MINDY4: variants seen among roughly 807,000 people sequenced by gnomAD.
MINDY4 encodes probable ubiquitin carboxyl-terminal hydrolase MINDY-4.
In MINDY4, 68 loss-of-function variants were observed where a neutral mutation model predicts 87.0. That is an observed-to-expected ratio of 0.78 (90% CI 0.64 to 0.96). The LOEUF (loss-of-function observed/expected upper bound fraction) is 0.96, where lower values mean the gene tolerates loss of function less well. MINDY4 is among the 40% of genes least tolerant of loss of function. The pLI is 0.00. For synonymous variants in MINDY4, 379 were observed against 363.2 expected (o/e 1.04, Z -0.50); for missense variants, 919 against 928.2 (o/e 0.99, Z 0.13).
chr7:30,891,734 C>G (rs964208269), intron 17 of MINDY4, among the ~76,000 whole-genome samples: 7 of 152,196 alleles, frequency 4.6e-5, no homozygotes, highest in Non-Finnish European at 8.8e-5. Context: ...CACCTGCCGC[C>G]TGGCCTCTCC....
intron 5 of MINDY4, among the ~76,000 whole-genome samples, chr7:30,811,696 C>G (rs181721269): frequency 6.6e-6 from 1 of 152,224 alleles, no homozygotes; most frequent in Non-Finnish European, 1.5e-5. Context: ...GTATAGATTA[C>G]AGACATTGTA....
chr7:30,877,647 A>G (rs538419427), intron 15 of MINDY4, among the ~76,000 whole-genome samples: 27 of 150,296 alleles, frequency 1.8e-4, no homozygotes, highest in African/African-American at 6.3e-4. Context: ...AGCAGCTCAG[A>G]CAAAGCCCTT....
chr7:30,854,072 C>T (rs919091405), intron 12 of MINDY4, among the ~76,000 whole-genome samples: 3 of 152,140 alleles, frequency 2.0e-5, no homozygotes, highest in Admixed American at 1.3e-4. Flanking sequence ...CACAGGGCTC[C>T]GGGAAGTCAT....
chr7:30,847,534 A>G (rs12673857), intron 9 of MINDY4, among the ~76,000 whole-genome samples: 6,384 of 148,844 alleles, frequency 0.043, 192 homozygotes, highest in East Asian at 0.11. Context: ...TATTTTTTCC[A>G]GTTTTTACTA....
At chr7:30,861,764 G>A (rs1415122436) in intron 13 of MINDY4, among the ~76,000 whole-genome samples, 1 of 152,244 alleles carries the variant, frequency 6.6e-6, no homozygotes, top group Non-Finnish European at 1.5e-5. Flanking sequence ...GTGTCTTCTT[G>A]TGTTTCCTTG....
At chr7:30,824,161 G>A (rs1788426209) in intron 5 of MINDY4, among the ~76,000 whole-genome samples, 1 of 152,184 alleles carries the variant, frequency 6.6e-6, no homozygotes, top group Admixed American at 6.5e-5. Context: ...AAAGTCCGAG[G>A]ATGGGAGGTC....
chr7:30,873,128 G>C (rs1320728307), intron 14 of MINDY4, among the ~76,000 whole-genome samples: 1 of 152,198 alleles, frequency 6.6e-6, no homozygotes, highest in Non-Finnish European at 1.5e-5. Context: ...GGCAAGCTTG[G>C]GGCCTGTGGT....
At chr7:30,800,949 T>C (rs1787630717) in intron 5 of MINDY4, among the ~76,000 whole-genome samples, 1 of 152,200 alleles carries the variant, frequency 6.6e-6, no homozygotes, top group African/African-American at 2.4e-5. Flanking sequence ...GTTGCCCTTG[T>C]TGCATAATTT....
At chr7:30,891,227 A>G (rs1790784233) in intron 17 of MINDY4, among the ~76,000 whole-genome samples, 1 of 152,172 alleles carries the variant, frequency 6.6e-6, no homozygotes, top group Non-Finnish European at 1.5e-5. Flanking sequence ...TAAACACTCC[A>G]TCTGCTATAA....
chr7:30,892,124 G>C lies in MINDY4; in HGVS notation c.*119G>C. 9.1e-7 allele frequency: 1 copy of C among 1,097,518 alleles called. No homozygotes were observed. The allele number at this position is 1,097,518 out of a possible 1,614,324, so 68.0% of individuals were successfully genotyped here. ...TACCCCAACCTGGGTCAGCATGACT[G>C]CAGAAGCATCCAGAGCCTCCCTGCC... On this transcript the variant is annotated 3_prime_UTR_variant, in exon 18 of 18. Transcript: ENST00000265299.
chr7:30,885,376 G>A (rs1790598902), intron 17 of MINDY4, among the ~76,000 whole-genome samples: 1 of 152,160 alleles, frequency 6.6e-6, no homozygotes, highest in Non-Finnish European at 1.5e-5. Flanking sequence ...GCCGGGCATG[G>A]TGGCACACGC....
chr7:30,864,805 G>T (rs1789881801), intron 13 of MINDY4, among the ~76,000 whole-genome samples: 1 of 152,250 alleles, frequency 6.6e-6, no homozygotes, highest in Non-Finnish European at 1.5e-5. Context: ...GGTTTGGGGT[G>T]GGCTGAGCCT....
At chr7:30,874,485 A>C (rs1303645572) in intron 14 of MINDY4, among the ~76,000 whole-genome samples, 2 of 152,132 alleles carry the variant, frequency 1.3e-5, no homozygotes, top group Non-Finnish European at 2.9e-5. Flanking sequence ...TAAGGAAGGG[A>C]CCTTCCAGCC....
Position 30,836,773 on chromosome 7 carries a change from A to T in MINDY4, c.1239+9A>T. ...ACCTCTCAGTAGCAAAGGTAAGTGT[A>T]AGGAGACTCCTGGGTTAAATGTGTC... is the stretch of plus-strand genomic sequence containing the variant. On this transcript the variant is annotated intron_variant, in intron 7 of 17. Coordinates refer to ENST00000265299, the MANE Select transcript of MINDY4 (RefSeq NM_032222.3). The T allele has an allele frequency of 1.9e-6, 3 of 1,605,232 alleles. No individual in the cohort carries two copies. The highest frequency in any genetic ancestry group is 2.6e-6 in the Non-Finnish European group (3 of 1,172,016).
chr7:30,779,221 C>G (rs1168990383), intron 2 of MINDY4, among the ~76,000 whole-genome samples: 1 of 152,198 alleles, frequency 6.6e-6, no homozygotes, highest in Admixed American at 6.5e-5. Flanking sequence ...ATCTGCCCCC[C>G]GCCAATACCT....
chr7:30,800,703 G>T (rs1453441096), intron 5 of MINDY4, among the ~76,000 whole-genome samples: 1 of 152,220 alleles, frequency 6.6e-6, no homozygotes, highest in Non-Finnish European at 1.5e-5. Context: ...CATTGGAGAA[G>T]GAATGGCTGT....
At chr7:30,884,333 G>C (rs1464795532) in intron 17 of MINDY4, among the ~76,000 whole-genome samples, 1 of 152,190 alleles carries the variant, frequency 6.6e-6, no homozygotes. Flanking sequence ...CCCGCCCCCT[G>C]AGCCAGGGAT....
chr7:30,813,370 G>C (rs1321635974), intron 5 of MINDY4, among the ~76,000 whole-genome samples: 1 of 152,204 alleles, frequency 6.6e-6, no homozygotes, highest in Non-Finnish European at 1.5e-5. Flanking sequence ...TTCTGTGTGA[G>C]GCGGGCCTTG....
chr7:30,799,791 A>G (rs1026355024), intron 5 of MINDY4, among the ~76,000 whole-genome samples: 1 of 152,186 alleles, frequency 6.6e-6, no homozygotes, highest in Non-Finnish European at 1.5e-5. Context: ...ATTCCGGTAC[A>G]TGTAATTTGT....
Sources: allele counts gnomAD v4.1 joint callset (sites outside exome capture counted in the v4.1 genomes callset), GRCh38; gene constraint gnomAD v4.1.1; transcripts MANE v1.5; gene names NCBI Gene and HGNC (gene_info 2026-07-23, HGNC 2026-07-21).